The following FHIT variants were observed in gnomAD, a reference collection of about 807,000 sequenced individuals.
FHIT encodes the protein fragile histidine triad diadenosine triphosphatase.
FHIT carries 19 observed loss-of-function variants against 17.9 expected under a neutral mutation model. The observed-to-expected ratio is 1.06, with a 90% confidence interval of 0.74 to 1.56. FHIT has a LOEUF of 1.56. FHIT is among the 40% of genes most tolerant of loss of function. The pLI is 0.00. For synonymous variants in FHIT, 81 were observed against 69.7 expected (o/e 1.16, Z -0.81); for missense variants, 248 against 189.2 (o/e 1.31, Z -1.82).
chr3:60,074,831 C>T (rs966118979), intron 5 of FHIT, among the ~76,000 whole-genome samples: 3 of 151,956 alleles, frequency 2.0e-5, no homozygotes, highest in Non-Finnish European at 4.4e-5. Flanking sequence ...GAAGACTTAC[C>T]CTGGGAAACT....
At chr3:60,552,425 C>T (rs2036591242) in intron 4 of FHIT, among the ~76,000 whole-genome samples, 1 of 152,144 alleles carries the variant, frequency 6.6e-6, no homozygotes, top group Non-Finnish European at 1.5e-5. Flanking sequence ...GTGGCTGTAC[C>T]ATTTTACATT....
intron 8 of FHIT, among the ~76,000 whole-genome samples, chr3:59,820,001 G>A (rs1243450591): frequency 1.3e-5 from 2 of 152,186 alleles, no homozygotes; most frequent in East Asian, 1.9e-4. Flanking sequence ...GAAGCAGAGG[G>A]CAAGCCCTCA....
At chr3:61,014,624 A>G (rs2031977434) in intron 3 of FHIT, among the ~76,000 whole-genome samples, 1 of 150,756 alleles carries the variant, frequency 6.6e-6, no homozygotes, top group African/African-American at 2.4e-5. Context: ...CTAAAAATAC[A>G]AAAAAATTAG....
At position 60,462,198 on chromosome 3, in the gene FHIT, C is replaced by G. The variant is rs147736416; in HGVS notation, c.103+74662G>C. Among the ~76,000 whole-genome samples, 6 of 152,252 alleles carry G rather than the reference C, an allele frequency of 3.9e-5. No homozygotes were observed. In the East Asian group the frequency reaches 9.7e-4, roughly 25 times the overall value. On this transcript the variant is annotated intron_variant, in intron 5 of 9. Transcript: ENST00000492590. ...TACATCAAATATTAAAGAGAGCTAC[C>G]ATGCAGTAAGCCCATTCTAGACATC...
chr3:60,210,234 A>T, intron 5 of FHIT, among the ~76,000 whole-genome samples: 1 of 152,162 alleles, frequency 6.6e-6, no homozygotes, highest in East Asian at 1.9e-4. Context: ...AACTGTTGGG[A>T]TAAGTGGATA....
chr3:60,231,162 A>C lies in FHIT; in HGVS notation c.104-217010T>G, dbSNP rs187754894. 2.7e-4 allele frequency among the ~76,000 whole-genome samples: 41 copies of C among 152,170 alleles called. No individual in the cohort carries two copies. The East Asian group carries it at 7.9e-3, about 29-fold the overall frequency. Reference sequence around the variant, plus strand: ...CTCATATTTGTGAAATGGGAGGAAAAATTTTTCTCCTTCTTTGCAGATATA... The same window carrying C: ...CTCATATTTGTGAAATGGGAGGAAACATTTTTCTCCTTCTTTGCAGATATA... On this transcript the variant is annotated intron_variant, in intron 5 of 9. Transcript: ENST00000492590.
At chr3:60,213,471 C>A (rs1703550779) in intron 5 of FHIT, among the ~76,000 whole-genome samples, 1 of 152,190 alleles carries the variant, frequency 6.6e-6, no homozygotes, top group South Asian at 2.1e-4. Flanking sequence ...AGACATTGGA[C>A]AGACCCAAGT....
At chr3:60,451,304 G>A (rs978292919) in intron 5 of FHIT, among the ~76,000 whole-genome samples, 1 of 151,962 alleles carries the variant, frequency 6.6e-6, no homozygotes, top group Non-Finnish European at 1.5e-5. Context: ...ATATCATAAG[G>A]CCCACCTCCA....
chr3:61,204,603 G>C (rs534041482), intron 1 of FHIT, among the ~76,000 whole-genome samples: 1 of 151,400 alleles, frequency 6.6e-6, no homozygotes, highest in Non-Finnish European at 1.5e-5. Context: ...TCAGGAATCA[G>C]GGTAAGTACA....
intron 5 of FHIT, among the ~76,000 whole-genome samples, chr3:60,467,895 G>A (rs919066824): frequency 1.3e-5 from 2 of 152,066 alleles, no homozygotes; most frequent in Admixed American, 6.5e-5. Flanking sequence ...TTCCAATGCT[G>A]ACAGTGGGTG....
At chr3:60,082,802 T>C (rs1366751966) in intron 5 of FHIT, among the ~76,000 whole-genome samples, 1 of 152,058 alleles carries the variant, frequency 6.6e-6, no homozygotes, top group Non-Finnish European at 1.5e-5. Context: ...ATGTATTTTG[T>C]CCACTTTGTA....
At position 59,835,706 on chromosome 3, in the gene FHIT, T is replaced by C. The variant is rs549551819; in HGVS notation, c.349-83385A>G. Among the ~76,000 whole-genome samples the C allele has an allele frequency of 3.8e-3, 572 of 152,296 alleles. 5 individuals are homozygous for C. Among genetic ancestry groups the C allele is most frequent in the African/African-American group, 0.013 (547 of 41,560 alleles). ...TGCTACGAGAATCACCCCTCTGTAT[T>C]ACAATATGCATTGAGAAGACTCTCT... On this transcript the variant is annotated intron_variant, in intron 8 of 9. Coordinates refer to ENST00000492590, the MANE Select transcript of FHIT (RefSeq NM_002012.4).
intron 3 of FHIT, among the ~76,000 whole-genome samples, chr3:60,966,401 T>A (rs1165935295): frequency 1.3e-5 from 2 of 152,184 alleles, no homozygotes; most frequent in Non-Finnish European, 2.9e-5. Context: ...TGAGGCGATG[T>A]CCCGCCCTGC....
chr3:60,019,415 C>CTTTTTTTTTTTTTTTTTTTTTTTTTTTTT lies in FHIT; in HGVS notation c.104-5264_104-5263insAAAAAAAAAAAAAAAAAAAAAAAAAAAAA, dbSNP rs1281567026. On this transcript the variant is annotated intron_variant, in intron 5 of 9. Coordinates refer to ENST00000492590, the MANE Select transcript of FHIT (RefSeq NM_002012.4). ...ATGGCATTTTAGAGTTGAGATGCTCCTTTTTTTTTTTTTTTTTCCTGAGAT... is the reference window on the plus strand; with the variant it reads ...ATGGCATTTTAGAGTTGAGATGCTCCTTTTTTTTTTTTTTTTTTTTTTTTTTTTTTTTTTTTTTTTTTTTTTCCTGAGAT... Among the ~76,000 whole-genome samples the CTTTTTTTTTTTTTTTTTTTTTTTTTTTTT allele has an allele frequency of 2.4e-4, 29 of 121,078 alleles. 2 individuals carry two copies. The highest frequency in any genetic ancestry group is 7.1e-4 in the African/African-American group (23 of 32,530). The allele number at this position is 121,078 out of a possible 152,430, so 79.4% of individuals were successfully genotyped here.
At chr3:61,013,289 T>G (rs955363916) in intron 3 of FHIT, among the ~76,000 whole-genome samples, 1 of 152,198 alleles carries the variant, frequency 6.6e-6, no homozygotes. Context: ...CACTCTCCCC[T>G]TAGAAATTGG....
At chr3:60,898,297 C>T (rs1320050087) in intron 3 of FHIT, among the ~76,000 whole-genome samples, 1 of 152,094 alleles carries the variant, frequency 6.6e-6, no homozygotes, top group Non-Finnish European at 1.5e-5. Flanking sequence ...AAAAAAATAT[C>T]GTAAACAACT....
At position 60,120,149 on chromosome 3, in the gene FHIT, A is replaced by C. The variant is rs1189729828; in HGVS notation, c.104-105997T>G. 3.3e-5 allele frequency among the ~76,000 whole-genome samples: 5 copies of C among 152,300 alleles called. No individual in the cohort carries two copies. In the East Asian group the frequency reaches 9.6e-4, roughly 29 times the overall value. On this transcript the variant is annotated intron_variant, in intron 5 of 9. Transcript: ENST00000492590. ...CATTAAAATCAATTTCTCCCATCTC[A>C]GCATTCCCACAATATACAGCACAAT...
chr3:59,866,182 G>C (rs935111087), intron 8 of FHIT, among the ~76,000 whole-genome samples: 2 of 152,136 alleles, frequency 1.3e-5, no homozygotes, highest in Non-Finnish European at 2.9e-5. Context: ...GGAAAGCCTG[G>C]CTGGGGTTTG....
At chr3:60,394,462 G>A (rs1701355776) in intron 5 of FHIT, among the ~76,000 whole-genome samples, 1 of 152,128 alleles carries the variant, frequency 6.6e-6, no homozygotes, top group African/African-American at 2.4e-5. Flanking sequence ...GACTGAACAT[G>A]CCCAAAATCA....
Sources: gnomAD v4.1 joint callset for allele counts (sites outside exome capture counted in the v4.1 genomes callset) on GRCh38, gnomAD v4.1.1 for gene constraint, MANE v1.5 for transcripts, NCBI Gene and HGNC (gene_info 2026-07-23, HGNC 2026-07-21) for gene names.